LSAMP: variants seen among roughly 807,000 people sequenced by gnomAD.
The protein encoded by LSAMP is limbic system-associated membrane protein.
In LSAMP, 7 loss-of-function variants were observed where a neutral mutation model predicts 38.6. That is an observed-to-expected ratio of 0.18 (90% CI 0.10 to 0.34). The LOEUF is 0.34. Among genes scored for constraint, LSAMP ranks in the 10% least tolerant of loss-of-function variants. LSAMP has a pLI of 1.00. For synonymous variants in LSAMP, 154 were observed against 166.8 expected, an observed-to-expected ratio of 0.92 and a Z score of 0.59; for missense variants, 313 against 420.0, an observed-to-expected ratio of 0.75 and a Z score of 2.23.
At chr3:116,067,983 A>G (rs1707502623) in intron 2 of LSAMP, among the ~76,000 whole-genome samples, 1 of 152,192 alleles carries the variant, frequency 6.6e-6, no homozygotes, top group Non-Finnish European at 1.5e-5. Context: ...TGAAATGGAA[A>G]TGGAATGGGA....
chr3:116,386,621 C>T (rs550837249), intron 1 of LSAMP, among the ~76,000 whole-genome samples: 1 of 152,276 alleles, frequency 6.6e-6, no homozygotes, highest in Admixed American at 6.5e-5. Flanking sequence ...TGCAGACGCA[C>T]ATCACCACAC....
intron 3 of LSAMP, among the ~76,000 whole-genome samples, chr3:115,961,110 T>C (rs1048767732): frequency 2.0e-5 from 3 of 152,232 alleles, no homozygotes; most frequent in Middle Eastern, 3.2e-3. Context: ...AAATGCTATT[T>C]CAGAGGGACT....
chr3:116,317,571 A>G lies in LSAMP; in HGVS notation c.155+127306T>C, dbSNP rs191372710. On this transcript the variant is annotated intron_variant, in intron 1 of 6. Transcript: ENST00000490035. ...GGAGTTTCACCGTGTTAGCTAGGAT[A>G]GTCTTGATCTCCTGACCTTGTGATC... Among the ~76,000 whole-genome samples, 413 of 151,692 alleles carry G rather than the reference A, an allele frequency of 2.7e-3. 1 individual carries two copies. Among genetic ancestry groups the G allele is most frequent in the Non-Finnish European group, 3.7e-3 (250 of 67,898 alleles).
intron 2 of LSAMP, among the ~76,000 whole-genome samples, chr3:116,084,908 C>T (rs1707953956): frequency 6.6e-6 from 1 of 151,458 alleles, no homozygotes; most frequent in East Asian, 1.9e-4. Context: ...CTAGTTATCT[C>T]TCCTCCTTCT....
chr3:115,962,347 A>G (rs1235280223), intron 3 of LSAMP, among the ~76,000 whole-genome samples: 2 of 152,190 alleles, frequency 1.3e-5, no homozygotes, highest in Non-Finnish European at 2.9e-5. Context: ...TACTTTATAC[A>G]AAACAGGGCC....
chr3:115,918,482 C>T (rs749681421), intron 3 of LSAMP, among the ~76,000 whole-genome samples: 1 of 152,092 alleles, frequency 6.6e-6, no homozygotes, highest in African/African-American at 2.4e-5. Flanking sequence ...GAGAAGGGGG[C>T]ATTTTGTTAT....
At chr3:116,077,306 T>C (rs991890271) in intron 2 of LSAMP, among the ~76,000 whole-genome samples, 2 of 151,966 alleles carry the variant, frequency 1.3e-5, no homozygotes, top group Non-Finnish European at 2.9e-5. Flanking sequence ...ATTACCCATC[T>C]TTTTCATGTT....
At position 116,421,023 on chromosome 3, in the gene LSAMP, G is replaced by A. The variant is rs528173165; in HGVS notation, c.155+23854C>T. ...TAGAACCTGCCTCATAGCATACATA[G>A]AAATTGATAAAAAATGGATCATAGA... On this transcript the variant is annotated intron_variant, in intron 1 of 6. Transcript: ENST00000490035. Among the ~76,000 whole-genome samples the A allele has an allele frequency of 2.5e-3, 387 of 152,186 alleles. 3 individuals carry two copies. The highest frequency in any genetic ancestry group is 8.9e-3 in the African/African-American group (370 of 41,538).
chr3:115,870,997 A>T (rs1936017009), intron 3 of LSAMP, among the ~76,000 whole-genome samples: 1 of 152,152 alleles, frequency 6.6e-6, no homozygotes, highest in South Asian at 2.1e-4. Context: ...ATGAAATCAC[A>T]GGCAAGCTCC....
At chr3:116,036,368 G>A (rs1576323393) in intron 2 of LSAMP, among the ~76,000 whole-genome samples, 1 of 152,066 alleles carries the variant, frequency 6.6e-6, no homozygotes, top group Non-Finnish European at 1.5e-5. Context: ...ATTTTCTGAC[G>A]AGTTATAGCC....
At chr3:116,013,965 G>C (rs771313389) in intron 3 of LSAMP, among the ~76,000 whole-genome samples, 7 of 152,134 alleles carry the variant, frequency 4.6e-5, no homozygotes, top group Non-Finnish European at 8.8e-5. Context: ...TCTCAGGTGA[G>C]CTTTGCTGGT....
chr3:116,235,921 C>T (rs959138691), intron 1 of LSAMP, among the ~76,000 whole-genome samples: 1 of 152,156 alleles, frequency 6.6e-6, no homozygotes, highest in African/African-American at 2.4e-5. Context: ...GATCTCACTT[C>T]TAAACACTAG....
intron 1 of LSAMP, among the ~76,000 whole-genome samples, chr3:116,128,673 T>C (rs1370415218): frequency 6.6e-5 from 10 of 152,214 alleles, no homozygotes; most frequent in Non-Finnish European, 1.3e-4. Context: ...TAAGTGACCA[T>C]TGTCACTATA....
At chr3:116,280,066 A>T (rs1486060492) in intron 1 of LSAMP, among the ~76,000 whole-genome samples, 1 of 152,220 alleles carries the variant, frequency 6.6e-6, no homozygotes, top group East Asian at 1.9e-4. Context: ...TTAATTACTG[A>T]TGATGCTTGT....
chr3:116,007,452 G>A (rs1343950035), intron 3 of LSAMP, among the ~76,000 whole-genome samples: 1 of 152,162 alleles, frequency 6.6e-6, no homozygotes, highest in Non-Finnish European at 1.5e-5. Context: ...TGGGAGACTT[G>A]CAAATGAATA....
chr3:116,374,407 A>T (rs2048468958), intron 1 of LSAMP, among the ~76,000 whole-genome samples: 1 of 151,898 alleles, frequency 6.6e-6, no homozygotes, highest in African/African-American at 2.4e-5. Context: ...TGCCATTTGA[A>T]ACTTAGTACC....
At chr3:116,097,661 T>A (rs919629082) in intron 1 of LSAMP, among the ~76,000 whole-genome samples, 2 of 152,148 alleles carry the variant, frequency 1.3e-5, no homozygotes, top group African/African-American at 4.8e-5. Context: ...TACTGTCTGG[T>A]TTGCCTTCCC....
chr3:115,869,004 C>G lies in LSAMP; in HGVS notation c.515-16387G>C, dbSNP rs563580980. 4.8e-3 allele frequency among the ~76,000 whole-genome samples: 731 copies of G among 152,208 alleles called. 3 individuals are homozygous for G. Among genetic ancestry groups the G allele is most frequent in the South Asian group, 8.5e-3 (41 of 4,834 alleles). The stretch of plus-strand genomic sequence containing the variant: ...CCCATATTTTATCCTAGTGACAAAG[C>G]TGTTAAGCTCAGTTTCTAGAATATG... On this transcript the variant is annotated intron_variant, in intron 3 of 6. Coordinates refer to ENST00000490035, the MANE Select transcript of LSAMP (RefSeq NM_002338.5).
chr3:116,121,067 C>A (rs1309524485), intron 1 of LSAMP, among the ~76,000 whole-genome samples: 2 of 152,162 alleles, frequency 1.3e-5, no homozygotes, highest in East Asian at 1.9e-4. Context: ...TTGAGAAGGT[C>A]CCAACATCTT....
Sources: allele counts gnomAD v4.1 joint callset (sites outside exome capture counted in the v4.1 genomes callset), GRCh38; gene constraint gnomAD v4.1.1; transcripts MANE v1.5; gene names NCBI Gene and HGNC (gene_info 2026-07-23, HGNC 2026-07-21).